Variants in CAND1 observed in about 807,000 individuals in gnomAD.
The protein encoded by CAND1 is cullin associated and neddylation dissociated 1.
CAND1 carries 7 observed loss-of-function variants against 108.5 expected under a neutral mutation model. The ratio of observed to expected loss-of-function variants is 0.06; its 90% CI spans 0.04 to 0.12. The LOEUF (loss-of-function observed/expected upper bound fraction) is 0.12. Ranked by LOEUF, CAND1 falls within the 10% of genes least tolerant of loss-of-function variation. The pLI is 1.00. For missense variants in CAND1, 941 were observed against 1,448.7 expected (o/e 0.65, Z 5.69); for synonymous variants, 534 against 512.0 (o/e 1.04, Z -0.58).
intron 1 of CAND1, 24 bp downstream of exon 1, chr12:67,269,809 C>A: frequency 6.3e-7 from 1 of 1,592,160 alleles, no homozygotes; most frequent in Admixed American, 1.7e-5. Context: ...CCGACCCTCA[C>A]CCCACCTCGG....
At chr12:67,310,372 A>C (rs1592626530) in intron 13 of CAND1, 56 bp downstream of exon 13, 1 of 1,257,548 alleles carries the variant, frequency 8.0e-7, no homozygotes, top group East Asian at 2.3e-5. Flanking sequence ...TGCTAGAGCA[A>C]CTTTCACCCT....
At chr12:67,271,970 A>T (rs2044524904) in intron 1 of CAND1, among the ~76,000 whole-genome samples, 1 of 152,026 alleles carries the variant, frequency 6.6e-6, no homozygotes, top group Admixed American at 6.5e-5. Context: ...GAATTTTGAA[A>T]TTTTTTCTGC....
chr12:67,306,907 G>C, intron 10 of CAND1, among the ~76,000 whole-genome samples: 1 of 152,212 alleles, frequency 6.6e-6, no homozygotes, highest in East Asian at 1.9e-4. Flanking sequence ...AATCTGAAGA[G>C]CTTGTTGATA....
intron 1 of CAND1, among the ~76,000 whole-genome samples, chr12:67,279,148 T>C (rs552096520): frequency 6.7e-6 from 1 of 149,406 alleles, no homozygotes; most frequent in Non-Finnish European, 1.5e-5. Context: ...TCCTTCACTC[T>C]GAGGTGCTCT....
At chr12:67,295,008 T>C (rs1324180631) in intron 3 of CAND1, 25 bp from the exon 4 acceptor site, 6 of 1,600,442 alleles carry the variant, frequency 3.7e-6, no homozygotes, top group Non-Finnish European at 5.1e-6. Context: ...GCCTTGAAAT[T>C]ATTATTGGCT....
At position 67,306,517 on chromosome 12, in the gene CAND1, T is replaced by G; in HGVS notation, c.2849T>G (p.Val950Gly). 1 of 1,614,030 alleles carries G rather than the reference T, an allele frequency of 6.2e-7. No homozygotes were observed. The highest frequency in any genetic ancestry group is 8.5e-7 in the Non-Finnish European group (1 of 1,179,924). ...TGTGCAGAGGAAGGAACCAGAAATGTTGTTGCTGAATGTCTAGGAAAACTC... is the reference window on the plus strand; with the variant it reads ...TGTGCAGAGGAAGGAACCAGAAATGGTGTTGCTGAATGTCTAGGAAAACTC... ...CECAEEGTRNVVAECLGKLTL... is the reference protein window; with the variant it reads ...CECAEEGTRNGVAECLGKLTL... The change falls in exon 10 of 15, where the codon GTT becomes GGT. Residue 950 changes from valine to glycine, a missense_variant. Transcript: ENST00000545606.
At chr12:67,297,708 A>G (rs1476722763) in intron 5 of CAND1, 40 bp from the exon 6 acceptor site, 1 of 1,584,254 alleles carries the variant, frequency 6.3e-7, no homozygotes, top group Admixed American at 1.8e-5. Context: ...AATTAAAAAA[A>G]TTAATGCATG....
chr12:67,278,385 G>T lies in CAND1; in HGVS notation c.69-3525G>T, dbSNP rs185650432. Among the ~76,000 whole-genome samples, 82 of 152,220 alleles carry T rather than the reference G, an allele frequency of 5.4e-4. 1 individual carries two copies. Among genetic ancestry groups the T allele is most frequent in the African/African-American group, 1.7e-3 (70 of 41,542 alleles). On this transcript the variant is annotated intron_variant, in intron 1 of 14. Transcript: ENST00000545606. Reference sequence around the variant, plus strand: ...TTGTCCAGGCTGGTTTGGAACTCCTGACCTCCACCTGCCTAGGTCTCCCAA... The same window carrying T: ...TTGTCCAGGCTGGTTTGGAACTCCTTACCTCCACCTGCCTAGGTCTCCCAA...
In CAND1 at chr12:67,310,260, A is replaced by G; in HGVS notation, c.3304A>G (p.Ile1102Val). The G allele has an allele frequency of 1.2e-6, 2 of 1,611,494 alleles. No individual in the cohort carries two copies. The highest frequency in any genetic ancestry group is 1.1e-5 in the South Asian group (1 of 90,926). Residue 1102 changes from isoleucine to valine, a missense_variant, in exon 13 of 15, where the codon ATC (isoleucine) becomes GTC (valine). Transcript: ENST00000545606. ...AGACAGTTGTCTTGATAGACTTGATATCTTTGAATTTCTAAATCATGTTGA... is the reference window on the plus strand; with the variant it reads ...AGACAGTTGTCTTGATAGACTTGATGTCTTTGAATTTCTAAATCATGTTGA... ...LLDSCLDRLD[I>V]FEFLNHVEDG...
At chr12:67,271,980 C>T (rs1174784136) in intron 1 of CAND1, among the ~76,000 whole-genome samples, 2 of 152,094 alleles carry the variant, frequency 1.3e-5, no homozygotes, top group Admixed American at 1.3e-4. Flanking sequence ...ATTTTTTCTG[C>T]ATATTTTTAG....
rs748034764 is a variant in CAND1, at chr12:67,305,808, A to G, written c.2140A>G (p.Ser714Gly). The G allele has an allele frequency of 6.2e-7, 1 of 1,614,202 alleles. No homozygotes were observed. The highest frequency in any genetic ancestry group is 1.7e-5 in the Admixed American group (1 of 60,018). Reference sequence around the variant, plus strand: ...TATGCATGTTTCACAAATGGCCATCAGTTTTCTTACCACTTTGGCAAAAGT... The same window carrying G: ...TATGCATGTTTCACAAATGGCCATCGGTTTTCTTACCACTTTGGCAAAAGT... ...SDMHVSQMAI[S>G]FLTTLAKVYP... The change falls in exon 10 of 15, where the codon AGT (serine) becomes GGT (glycine). Residue 714 changes from serine (S) to glycine (G), a missense_variant. This residue lies in a region of CAND1 where 697 missense variants were observed against 942.0 expected (regional missense o/e 0.74). Transcript: ENST00000545606. This position sits in a 1 kb window ranked among gnomAD's most constrained non-coding sequence, Gnocchi z 4.4.
intron 1 of CAND1, among the ~76,000 whole-genome samples, chr12:67,280,845 C>T (rs2044612869): frequency 7.3e-6 from 1 of 137,500 alleles, no homozygotes; most frequent in Non-Finnish European, 1.5e-5. Context: ...CCAGGCAACA[C>T]ACTGTTAAAC....
chr12:67,291,623 C>A (rs141809397), intron 2 of CAND1, among the ~76,000 whole-genome samples: 47 of 151,942 alleles, frequency 3.1e-4, no homozygotes, highest in Admixed American at 2.7e-3. Context: ...ACACATAGCC[C>A]GAAGGTAATT....
chr12:67,295,844 G>A (rs757231978), intron 4 of CAND1, among the ~76,000 whole-genome samples: 16 of 152,232 alleles, frequency 1.1e-4, no homozygotes, highest in South Asian at 4.1e-4. Flanking sequence ...TATACTTTAC[G>A]ATAGGACATA....
rs1195577478 is a variant in CAND1 at position 67,271,649 on chromosome 12, G to T, written c.68+1864G>T. On this transcript the variant is annotated intron_variant, in intron 1 of 14. Transcript: ENST00000545606. ...AATAGTGCTCTGATACTAAATGACA[G>T]TCACTGCTGAATTTGGTAAAGATTA... Among the ~76,000 whole-genome samples, 3 of 152,210 alleles carry T rather than the reference G, an allele frequency of 2.0e-5. No homozygotes were observed. In the East Asian group the frequency reaches 5.8e-4, roughly 29 times the overall value.
intron 3 of CAND1, 39 bp from the exon 4 acceptor site, chr12:67,294,994 G>T (rs1438954514): frequency 1.9e-6 from 3 of 1,593,834 alleles, no homozygotes; most frequent in Non-Finnish European, 2.6e-6. Context: ...AATTCAACAT[G>T]CTTGCCTTGA....
intron 1 of CAND1, among the ~76,000 whole-genome samples, chr12:67,272,163 A>G (rs1044849275): frequency 6.6e-6 from 1 of 152,246 alleles, no homozygotes; most frequent in African/African-American, 2.4e-5. Flanking sequence ...CAACATGTGC[A>G]AAGCACTCTG....
intron 3 of CAND1, chr12:67,294,808 C>G (rs1169311353): frequency 3.9e-6 from 1 of 253,240 alleles, no homozygotes; most frequent in South Asian, 7.0e-5. Context: ...TCCTGTGTCT[C>G]ATGATCAGGT....
chr12:67,281,514 G>A (rs990004306), intron 1 of CAND1, among the ~76,000 whole-genome samples: 1 of 152,164 alleles, frequency 6.6e-6, no homozygotes, highest in Non-Finnish European at 1.5e-5. Context: ...CAAATCTCAT[G>A]TAAAGAAAAA....
Sources: gnomAD v4.1 joint callset for allele counts (sites outside exome capture counted in the v4.1 genomes callset) on GRCh38, gnomAD v4.1.1 for gene constraint, gnomAD v4.1.1 regional missense constraint, Gnocchi (gnomAD v3.1) non-coding constraint, MANE v1.5 for transcripts, NCBI Gene and HGNC (gene_info 2026-07-23, HGNC 2026-07-21) for gene names.